The following RCOR1 variants were observed in gnomAD, a reference collection of about 807,000 sequenced individuals.
The protein encoded by RCOR1 is REST corepressor 1.
In RCOR1, 12 loss-of-function variants were observed where a neutral mutation model predicts 64.0. That is an observed-to-expected ratio of 0.19 (90% CI 0.12 to 0.30). The LOEUF is 0.30. Among genes scored for constraint, RCOR1 ranks in the 10% least tolerant of loss-of-function variants. The pLI, the probability that RCOR1 is intolerant of heterozygous loss-of-function variation, is 1.00. For synonymous variants in RCOR1, 279 were observed against 227.2 expected (o/e 1.23, Z -2.05); for missense variants, 502 against 621.2 (o/e 0.81, Z 2.04).
chr14:102,676,802 G>A (rs1471189932), intron 2 of RCOR1, among the ~76,000 whole-genome samples: 14 of 83,352 alleles, frequency 1.7e-4, no homozygotes, highest in Admixed American at 3.9e-4. Context: ...CAGTAGGGGC[G>A]GCCGGGCAGA....
chr14:102,722,061 C>T (rs564429209), intron 10 of RCOR1, 126 bp from the exon 11 acceptor site: 16 of 698,822 alleles, frequency 2.3e-5, no homozygotes, highest in African/African-American at 3.6e-5. Context: ...TAATAATACA[C>T]GAAATTATTG....
Position 102,730,314 on chromosome 14 carries a change from A to T in RCOR1, c.*3808A>T, listed in dbSNP as rs531539274. 3.6e-6 allele frequency: 1 copy of T among 278,966 alleles called. No individual in the cohort carries two copies. The highest frequency in any genetic ancestry group is 5.2e-5 in the Admixed American group (1 of 19,130). The allele number at this position is 278,966 out of a possible 1,614,324, so 17.3% of individuals were successfully genotyped here. On this transcript the variant is annotated 3_prime_UTR_variant, in exon 12 of 12. Coordinates refer to ENST00000262241, the MANE Select transcript of RCOR1 (RefSeq NM_015156.4). ...TTTGAAGTGATGAAATCCACGTTGGAATTTTAAAGAAAATATGTTGTAATA... is the reference window on the plus strand; with the variant it reads ...TTTGAAGTGATGAAATCCACGTTGGTATTTTAAAGAAAATATGTTGTAATA...
At chr14:102,662,390 T>G (rs544171471) in intron 2 of RCOR1, 11 of 563,592 alleles carry the variant, frequency 2.0e-5, no homozygotes, top group African/African-American at 5.6e-5. Context: ...TTTGATCTGG[T>G]GCCTGTTGGC....
At chr14:102,654,985 A>T (rs1386474953) in intron 2 of RCOR1, among the ~76,000 whole-genome samples, 2 of 150,850 alleles carry the variant, frequency 1.3e-5, no homozygotes, top group Non-Finnish European at 3.0e-5. Flanking sequence ...CTTTAAAAAC[A>T]TTTTTTGTAG....
rs1896277053 is a variant in RCOR1, at chr14:102,726,911, A to G, written c.*405A>G. Reference sequence around the variant, plus strand: ...GGCCTGCAGTTTCTACTTTGTGCATAGAGTCATTTTCAGAGTCACCGCGAC... The same window carrying G: ...GGCCTGCAGTTTCTACTTTGTGCATGGAGTCATTTTCAGAGTCACCGCGAC... On this transcript the variant is annotated 3_prime_UTR_variant, in exon 12 of 12. Transcript: ENST00000262241. 1 of 193,618 alleles carries G rather than the reference A, an allele frequency of 5.2e-6. No individual in the cohort carries two copies. The highest frequency in any genetic ancestry group is 1.0e-5 in the Non-Finnish European group (1 of 96,188). 12.0% of individuals were successfully genotyped at this position (193,618 alleles called of 1,614,324 possible).
chr14:102,592,900 T>G lies in RCOR1; in HGVS notation c.14T>G (p.Val5Gly). Residue 5 changes from valine (V) to glycine (G), a missense_variant, in exon 1 of 12, where the codon GTG (valine) becomes GGG (glycine). Val to Gly is a moderately radical substitution (Grantham distance 109, BLOSUM62 -3). This residue lies in a region of RCOR1 where 242 missense variants were observed against 204.9 expected (regional missense o/e 1.18). Transcript: ENST00000262241. MPAM[V>G]EKGPEVSGKR... ...CGGCCCCCGCCGATGCCGGCCATGG[T>G]GGAGAAGGGCCCCGAGGTCTCAGGG... 8.1e-7 allele frequency: 1 copy of G among 1,233,036 alleles called. No homozygotes were observed. Among genetic ancestry groups the G allele is most frequent in the Non-Finnish European group, 1.0e-6 (1 of 983,446 alleles). 76.4% of individuals were successfully genotyped at this position (1,233,036 alleles called of 1,614,324 possible).
intron 3 of RCOR1, among the ~76,000 whole-genome samples, chr14:102,697,976 C>T (rs1401972749): frequency 2.0e-5 from 3 of 152,238 alleles, no homozygotes; most frequent in Admixed American, 2.0e-4. Flanking sequence ...TTGCCTCAGC[C>T]TCCCAAAGTG....
intron 4 of RCOR1, among the ~76,000 whole-genome samples, chr14:102,703,631 A>G (rs185044598): frequency 6.6e-6 from 1 of 152,348 alleles, no homozygotes; most frequent in Admixed American, 6.5e-5. Context: ...AAGGGGAGAA[A>G]TGAAGATATT....
At chr14:102,633,624 C>A (rs972878692) in intron 2 of RCOR1, among the ~76,000 whole-genome samples, 15 of 152,186 alleles carry the variant, frequency 9.9e-5, no homozygotes, top group Non-Finnish European at 1.8e-4. Context: ...ACAGCAACTT[C>A]TGCCTCCCGC....
At chr14:102,645,306 G>A (rs1473379204) in intron 2 of RCOR1, among the ~76,000 whole-genome samples, 1 of 152,138 alleles carries the variant, frequency 6.6e-6, no homozygotes, top group Non-Finnish European at 1.5e-5. Flanking sequence ...AAGTATTACA[G>A]TCACAGTCTG....
At chr14:102,634,610 G>GTGTA (rs1183256586) in intron 2 of RCOR1, among the ~76,000 whole-genome samples, 2 of 150,986 alleles carry the variant, frequency 1.3e-5, no homozygotes, top group East Asian at 1.9e-4. Context: ...ACGTGTGTGT[G>GTGTA]TGTATGTATG....
intron 3 of RCOR1, among the ~76,000 whole-genome samples, chr14:102,687,999 C>T (rs943155495): frequency 6.7e-6 from 1 of 148,304 alleles, no homozygotes; most frequent in East Asian, 2.0e-4. Context: ...AGAGGTCTCG[C>T]TCTGTTGCCC....
intron 2 of RCOR1, among the ~76,000 whole-genome samples, chr14:102,653,983 C>CTTTCTTTCTTTTT (rs1334055763): frequency 6.0e-5 from 2 of 33,176 alleles, no homozygotes; most frequent in Non-Finnish European, 6.2e-5. Context: ...TTCTTTCTTT[C>CTTTCTTTCTTTTT]TTTTTTTTTT....
intron 3 of RCOR1, among the ~76,000 whole-genome samples, chr14:102,691,848 T>C (rs183066871): frequency 0.011 from 1,703 of 152,340 alleles, 17 homozygotes; most frequent in Admixed American, 0.016. Flanking sequence ...TGGACATCCA[T>C]TATCAGTTCT....
intron 2 of RCOR1, among the ~76,000 whole-genome samples, chr14:102,619,209 C>T (rs1271708034): frequency 6.6e-6 from 1 of 152,052 alleles, no homozygotes; most frequent in Admixed American, 6.6e-5. Context: ...GCAACCTCCG[C>T]CTCCCAGGTT....
rs182237161 is a variant in RCOR1 at position 102,640,184 on chromosome 14, G to A, written c.362-41711G>A. On this transcript the variant is annotated intron_variant, in intron 2 of 11. Transcript: ENST00000262241. ...TTTTTATTTGAGTTTGCGTTTTGCC[G>A]TGTTGCCCAGGCTGGTCTTGAACTC... Among the ~76,000 whole-genome samples the A allele has an allele frequency of 3.1e-3, 471 of 151,554 alleles. 1 individual carries two copies. Among genetic ancestry groups the A allele is most frequent in the Non-Finnish European group, 5.0e-3 (337 of 67,806 alleles).
intron 2 of RCOR1, among the ~76,000 whole-genome samples, chr14:102,632,338 T>A (rs1383005872): frequency 4.0e-5 from 6 of 150,402 alleles, no homozygotes; most frequent in South Asian, 2.1e-4. Context: ...TGCCTCAGCC[T>A]CTCCAAGTAG....
intron 2 of RCOR1, among the ~76,000 whole-genome samples, chr14:102,636,311 C>G (rs937154042): frequency 4.6e-5 from 7 of 151,002 alleles, no homozygotes; most frequent in Admixed American, 4.6e-4. Flanking sequence ...GAGTTTTGCT[C>G]TTGTCGCCCA....
chr14:102,691,760 T>C (rs114418528), intron 3 of RCOR1, among the ~76,000 whole-genome samples: 3,858 of 152,346 alleles, frequency 0.025, 146 homozygotes, highest in African/African-American at 0.082. Flanking sequence ...CTTGTAATCA[T>C]ATTAATGTCT....
Sources: gnomAD v4.1 joint callset for allele counts (sites outside exome capture counted in the v4.1 genomes callset) on GRCh38, gnomAD v4.1.1 for gene constraint, gnomAD v4.1.1 regional missense constraint, MANE v1.5 for transcripts, NCBI Gene and HGNC (gene_info 2026-07-23, HGNC 2026-07-21) for gene names.